Variants in APBA1 observed in about 807,000 individuals in gnomAD.
The protein encoded by APBA1 is amyloid-beta A4 precursor protein-binding family A member 1.
APBA1 carries 55 observed loss-of-function variants against 86.6 expected under a neutral mutation model. That is an observed-to-expected ratio of 0.64 (90% CI 0.51 to 0.80). APBA1 has a LOEUF of 0.80. APBA1 is among the 30% of genes least tolerant of loss of function. APBA1 has a pLI of 0.00. For synonymous variants in APBA1, 511 were observed against 493.9 expected (o/e 1.03, Z -0.46); for missense variants, 1,090 against 1,183.0 (o/e 0.92, Z 1.15).
intron 2 of APBA1, among the ~76,000 whole-genome samples, chr9:69,485,162 T>C (rs1355174462): frequency 6.6e-6 from 1 of 151,982 alleles, no homozygotes; most frequent in East Asian, 1.9e-4. Context: ...CTTTGATGAC[T>C]GTCACCTGGG....
At chr9:69,636,193 G>A (rs1417600249) in intron 1 of APBA1, among the ~76,000 whole-genome samples, 1 of 152,216 alleles carries the variant, frequency 6.6e-6, no homozygotes, top group Non-Finnish European at 1.5e-5. Context: ...AAACTACAAT[G>A]AGGTAGCATC....
At position 69,575,329 on chromosome 9, in the gene APBA1, C is replaced by T. The variant is rs576690906; in HGVS notation, c.-69-58050G>A. On this transcript the variant is annotated intron_variant, in intron 1 of 12. Coordinates refer to ENST00000265381, the MANE Select transcript of APBA1 (RefSeq NM_001163.4). Reference sequence around the variant, plus strand: ...GCCATCCCCATCAAGCTACCAATGACTTTCTTCACAGAATTGGAAAAAACT... The same window carrying T: ...GCCATCCCCATCAAGCTACCAATGATTTTCTTCACAGAATTGGAAAAAACT... Among the ~76,000 whole-genome samples the T allele has an allele frequency of 4.4e-3, 676 of 152,272 alleles. 3 individuals are homozygous for T. Among genetic ancestry groups the T allele is most frequent in the African/African-American group, 0.015 (632 of 41,540 alleles).
chr9:69,531,965 A>C (rs1836440369), intron 1 of APBA1, among the ~76,000 whole-genome samples: 1 of 152,212 alleles, frequency 6.6e-6, no homozygotes, highest in Non-Finnish European at 1.5e-5. Context: ...TCTGGCTCAT[A>C]CTGCAAGAAT....
At chr9:69,453,908 G>A (rs1349773129) in intron 8 of APBA1, among the ~76,000 whole-genome samples, 1 of 152,216 alleles carries the variant, frequency 6.6e-6, no homozygotes, top group African/African-American at 2.4e-5. Flanking sequence ...ATCTGTATTA[G>A]TGTCCCCACT....
At chr9:69,609,595 C>T (rs963633923) in intron 1 of APBA1, among the ~76,000 whole-genome samples, 2 of 152,040 alleles carry the variant, frequency 1.3e-5, no homozygotes, top group Admixed American at 1.3e-4. Flanking sequence ...TTTTAGAGTC[C>T]ACCTCTCTGC....
chr9:69,467,583 C>T (rs1376797877), intron 5 of APBA1, among the ~76,000 whole-genome samples: 1 of 152,228 alleles, frequency 6.6e-6, no homozygotes, highest in Non-Finnish European at 1.5e-5. Flanking sequence ...TGATCATGAG[C>T]ACTTCTTCTC....
At chr9:69,573,885 G>C (rs998546186) in intron 1 of APBA1, among the ~76,000 whole-genome samples, 1 of 152,188 alleles carries the variant, frequency 6.6e-6, no homozygotes, top group Non-Finnish European at 1.5e-5. Flanking sequence ...TCAGCATGAT[G>C]ACTTAGAAAC....
chr9:69,431,540 A>G (rs2133777584), intron 12 of APBA1, 142 bp from the exon 13 acceptor site: 5 of 669,654 alleles, frequency 7.5e-6, no homozygotes, highest in South Asian at 2.0e-5. Context: ...ACCACCAGGG[A>G]CCTGACCCAG....
At chr9:69,642,844 A>C (rs1823316070) in intron 1 of APBA1, among the ~76,000 whole-genome samples, 1 of 152,010 alleles carries the variant, frequency 6.6e-6, no homozygotes, top group South Asian at 2.1e-4. Context: ...TTCTCCCAGC[A>C]GACTGCCTTT....
intron 1 of APBA1, among the ~76,000 whole-genome samples, chr9:69,665,723 C>T (rs1823829763): frequency 6.6e-6 from 1 of 152,168 alleles, no homozygotes; most frequent in East Asian, 1.9e-4. Flanking sequence ...GATGTAAGTT[C>T]CAAGGAGCAG....
At chr9:69,514,981 G>A (rs920563148) in intron 2 of APBA1, among the ~76,000 whole-genome samples, 1 of 152,210 alleles carries the variant, frequency 6.6e-6, no homozygotes, top group African/African-American at 2.4e-5. Context: ...ATCCTCCAAA[G>A]AGGGCACACT....
intron 5 of APBA1, chr9:69,461,031 C>G (rs559850028): frequency 6.6e-6 from 1 of 151,984 alleles, no homozygotes; most frequent in East Asian, 1.9e-4. Flanking sequence ...GTGCCTGGCC[C>G]GAAACAGTTT....
chr9:69,450,400 G>A (rs1025201278), intron 9 of APBA1, among the ~76,000 whole-genome samples: 2 of 152,168 alleles, frequency 1.3e-5, no homozygotes, highest in Non-Finnish European at 2.9e-5. Context: ...GGGCAGAGAA[G>A]ACAGGGGTTG....
At chr9:69,503,436 T>C (rs2133874323) in intron 2 of APBA1, among the ~76,000 whole-genome samples, 1 of 152,198 alleles carries the variant, frequency 6.6e-6, no homozygotes. Context: ...ATTTTAGATA[T>C]TATTTCCTGG....
chr9:69,658,282 T>C (rs201768731), intron 1 of APBA1, among the ~76,000 whole-genome samples: 3,151 of 39,220 alleles, frequency 0.08, 152 homozygotes, highest in Middle Eastern at 0.11. Flanking sequence ...CTTTCTTTCT[T>C]TCTCTCTCTC....
At chr9:69,491,767 T>A (rs1460239404) in intron 2 of APBA1, among the ~76,000 whole-genome samples, 3 of 17,736 alleles carry the variant, frequency 1.7e-4, no homozygotes, top group Non-Finnish European at 3.6e-4. Context: ...CCCTTGAATT[T>A]TTTTTTTTTT....
chr9:69,512,305 C>G (rs1836062967), intron 2 of APBA1, among the ~76,000 whole-genome samples: 1 of 152,034 alleles, frequency 6.6e-6, no homozygotes, highest in Non-Finnish European at 1.5e-5. Flanking sequence ...TATGGATTAG[C>G]AATCCCATTT....
chr9:69,553,288 C>T (rs12554234), intron 1 of APBA1, among the ~76,000 whole-genome samples: 175 of 152,196 alleles, frequency 1.1e-3, no homozygotes, highest in Middle Eastern at 3.4e-3. Flanking sequence ...TGTGTGTGTG[C>T]GCTTGTATAC....
chr9:69,475,529 G>A (rs1326632023), intron 3 of APBA1, among the ~76,000 whole-genome samples: 1 of 152,166 alleles, frequency 6.6e-6, no homozygotes, highest in East Asian at 1.9e-4. Context: ...GTGTGAACTG[G>A]AACCACACCC....
Sources: allele counts gnomAD v4.1 joint callset (sites outside exome capture counted in the v4.1 genomes callset), GRCh38; gene constraint gnomAD v4.1.1; transcripts MANE v1.5; gene names NCBI Gene and HGNC (gene_info 2026-07-23, HGNC 2026-07-21).